Variants in DPF3 observed in about 807,000 individuals in gnomAD.
DPF3 encodes the protein double PHD fingers 3.
In DPF3, 18 loss-of-function variants were observed where a neutral mutation model predicts 56.8. The observed-to-expected ratio is 0.32, with a 90% CI of 0.22 to 0.47. The LOEUF is 0.47. Ranked by LOEUF, DPF3 falls within the 20% of genes least tolerant of loss-of-function variation. The pLI is 1.00. For synonymous variants in DPF3, 188 were observed against 180.2 expected, an observed-to-expected ratio of 1.04 and a Z score of -0.35; for missense variants, 403 against 488.8, an observed-to-expected ratio of 0.82 and a Z score of 1.65.
chr14:72,750,529 C>A (rs115564285), intron 3 of DPF3, among the ~76,000 whole-genome samples: 1,798 of 152,134 alleles, frequency 0.012, 37 homozygotes, highest in African/African-American at 0.042. Context: ...GCAAAATATT[C>A]ATTGCATCAC....
At chr14:72,679,996 C>CATTAAA (rs1887088322) in intron 7 of DPF3, among the ~76,000 whole-genome samples, 1 of 152,140 alleles carries the variant, frequency 6.6e-6, no homozygotes, top group African/African-American at 2.4e-5. Context: ...CCTGCTACCT[C>CATTAAA]GGCCTAGCCT....
At chr14:72,861,381 C>T (rs918423497) in intron 1 of DPF3, among the ~76,000 whole-genome samples, 6 of 152,026 alleles carry the variant, frequency 3.9e-5, no homozygotes, top group South Asian at 2.1e-4. Flanking sequence ...ATGTACTCAC[C>T]GCTAATTCAG....
At position 72,723,741 on chromosome 14, in the gene DPF3, A is replaced by AT; in HGVS notation, c.430-14_430-13insA. On this transcript the variant is annotated splice_polypyrimidine_tract_variant and intron_variant, in intron 4 of 10. Coordinates refer to ENST00000556509, the MANE Select transcript of DPF3 (RefSeq NM_001280542.3). ...TTTCCAAAACCCTCTGAAATGAAAAAAAAAAATAGAAAAGGTGAGAAACGA... is the reference window on the plus strand; with the variant it reads ...TTTCCAAAACCCTCTGAAATGAAAAATAAAAAATAGAAAAGGTGAGAAACGA... The AT allele has an allele frequency of 2.5e-6, 4 of 1,574,128 alleles. No homozygotes were observed. Among genetic ancestry groups the AT allele is most frequent in the Non-Finnish European group, 3.4e-6 (4 of 1,167,788 alleles).
intron 1 of DPF3, among the ~76,000 whole-genome samples, chr14:72,822,438 GTGCAGAACAGGGCACT>G (rs1484736364): frequency 5.3e-5 from 8 of 152,106 alleles, no homozygotes; most frequent in Non-Finnish European, 7.4e-5. Context: ...ATTTTTAAAG[GTGCAGAACAGGGCACT>G]TGGAATGCTA....
intron 1 of DPF3, chr14:72,836,586 G>A (rs1884306749): frequency 5.3e-6 from 5 of 941,850 alleles, no homozygotes; most frequent in Non-Finnish European, 6.3e-6. Context: ...AGTCTATCTG[G>A]ATGAATTTTT....
At chr14:72,843,603 C>T (rs897700033) in intron 1 of DPF3, among the ~76,000 whole-genome samples, 1 of 152,204 alleles carries the variant, frequency 6.6e-6, no homozygotes, top group Non-Finnish European at 1.5e-5. Context: ...AGTGCAATGG[C>T]GTGACCTCGG....
In DPF3 at chr14:72,683,867, G is replaced by A. The variant is rs115882924; in HGVS notation, c.742+9209C>T. ...TGACTGGGACAGAGGGTTCTAGGGC[G>A]TGGGGCTTTCAGTGCTGTAGCTGGG... On this transcript the variant is annotated intron_variant, in intron 7 of 10. Transcript: ENST00000556509. Among the ~76,000 whole-genome samples the A allele has an allele frequency of 7.5e-3, 1,136 of 152,284 alleles. 21 individuals carry two copies. Among genetic ancestry groups the A allele is most frequent in the African/African-American group, 0.026 (1,093 of 41,546 alleles).
chr14:72,822,961 C>T (rs2140037444), intron 1 of DPF3, among the ~76,000 whole-genome samples: 1 of 152,306 alleles, frequency 6.6e-6, no homozygotes, highest in South Asian at 2.1e-4. Context: ...ACCCAATTTC[C>T]CAGAAGCCCT....
intron 1 of DPF3, among the ~76,000 whole-genome samples, chr14:72,822,303 C>T (rs1407436636): frequency 2.6e-5 from 4 of 152,074 alleles, no homozygotes; most frequent in Non-Finnish European, 5.9e-5. Flanking sequence ...ATCACTTGAA[C>T]CTGGAAGCCA....
intron 4 of DPF3, among the ~76,000 whole-genome samples, chr14:72,726,043 C>T (rs576661838): frequency 7.9e-5 from 12 of 152,188 alleles, no homozygotes; most frequent in South Asian, 2.1e-4. Flanking sequence ...AACGTCAGCC[C>T]CCATTCACAG....
intron 2 of DPF3, among the ~76,000 whole-genome samples, chr14:72,768,749 G>A (rs1270193440): frequency 6.6e-6 from 1 of 152,180 alleles, no homozygotes; most frequent in Non-Finnish European, 1.5e-5. Flanking sequence ...TATTGAGTTA[G>A]TGGCACAATC....
intron 4 of DPF3, among the ~76,000 whole-genome samples, chr14:72,724,838 A>G (rs1889331927): frequency 6.6e-6 from 1 of 151,740 alleles, no homozygotes; most frequent in Non-Finnish European, 1.5e-5. Flanking sequence ...CCTGCCAAGT[A>G]GCTGGGACTG....
intron 8 of DPF3, among the ~76,000 whole-genome samples, chr14:72,643,329 C>G (rs2153567951): frequency 6.6e-6 from 1 of 152,364 alleles, no homozygotes; most frequent in Admixed American, 6.5e-5. Flanking sequence ...GCTGTCCCCT[C>G]AGGCCCCTTT....
chr14:72,716,794 T>C (rs1481830190), intron 5 of DPF3, among the ~76,000 whole-genome samples: 1 of 152,172 alleles, frequency 6.6e-6, no homozygotes, highest in Non-Finnish European at 1.5e-5. Context: ...CCAAATGTTA[T>C]TGCTTCTTCC....
chr14:72,831,065 T>G (rs1884036288), intron 1 of DPF3, among the ~76,000 whole-genome samples: 1 of 152,188 alleles, frequency 6.6e-6, no homozygotes, highest in South Asian at 2.1e-4. Context: ...AGGCTACTGC[T>G]GTCCTTCTTG....
intron 3 of DPF3, among the ~76,000 whole-genome samples, chr14:72,741,635 G>C (rs1338241619): frequency 6.6e-6 from 1 of 152,194 alleles, no homozygotes; most frequent in Non-Finnish European, 1.5e-5. Flanking sequence ...CCAAGGTTAA[G>C]ATCAAACACC....
At chr14:72,682,517 G>A (rs962423194) in intron 7 of DPF3, among the ~76,000 whole-genome samples, 3 of 152,114 alleles carry the variant, frequency 2.0e-5, no homozygotes, top group African/African-American at 4.8e-5. Flanking sequence ...TTAAGTTGTC[G>A]GGATATTATT....
intron 7 of DPF3, among the ~76,000 whole-genome samples, chr14:72,691,728 A>AT (rs998471332): frequency 2.1e-5 from 3 of 145,986 alleles, no homozygotes; most frequent in Non-Finnish European, 4.5e-5. Flanking sequence ...TCCGTCTCAG[A>AT]AAAAAAAAAA....
intron 3 of DPF3, among the ~76,000 whole-genome samples, chr14:72,749,541 T>C (rs987419352): frequency 6.6e-6 from 1 of 152,200 alleles, no homozygotes; most frequent in Non-Finnish European, 1.5e-5. Flanking sequence ...TGTGAAGATA[T>C]GAGATTTGGG....
Sources: allele counts gnomAD v4.1 joint callset (sites outside exome capture counted in the v4.1 genomes callset), GRCh38; gene constraint gnomAD v4.1.1; transcripts MANE v1.5; gene names NCBI Gene and HGNC (gene_info 2026-07-23, HGNC 2026-07-21).